Variants in SLC14A2 observed in about 807,000 individuals in gnomAD.
SLC14A2 encodes the protein urea transporter 2.
SLC14A2 carries 91 observed loss-of-function variants against 104.6 expected under a neutral mutation model. The observed-to-expected ratio is 0.87, with a 90% confidence interval of 0.73 to 1.04. The LOEUF is 1.04. Among genes scored for constraint, SLC14A2 ranks in the 50% least tolerant of loss-of-function variants. The pLI is 0.00. For missense variants in SLC14A2, 1,189 were observed against 1,156.0 expected, an observed-to-expected ratio of 1.03 and a Z score of -0.41; for synonymous variants, 476 against 466.4, an observed-to-expected ratio of 1.02 and a Z score of -0.27.
the SLC14A2 span, among the ~76,000 whole-genome samples, chr18:45,189,325 A>G: frequency 2.0e-5 from 3 of 152,214 alleles, no homozygotes; most frequent in Non-Finnish European, 2.9e-5. Context: ...GGGGGTAACA[A>G]TACAATCTGC....
At chr18:45,299,832 T>G (rs188737605) in intron 1 of SLC14A2, among the ~76,000 whole-genome samples, 97 of 152,346 alleles carry the variant, frequency 6.4e-4, no homozygotes, top group Admixed American at 1.5e-3. Context: ...CCCCATTTCT[T>G]GTCTCAAGTC....
intron 2 of SLC14A2, among the ~76,000 whole-genome samples, chr18:45,486,419 A>C (rs759046774): frequency 3.3e-5 from 5 of 152,086 alleles, no homozygotes; most frequent in Admixed American, 6.6e-5. Context: ...GTTAACTTTA[A>C]CCAGCAGTCA....
chr18:45,566,678 A>G (rs752328493), intron 2 of SLC14A2, among the ~76,000 whole-genome samples: 3 of 152,204 alleles, frequency 2.0e-5, no homozygotes, highest in Admixed American at 6.5e-5. Context: ...AATCTCCACA[A>G]GGACTTTCAA....
At chr18:45,596,744 G>A (rs1333612843) in intron 2 of SLC14A2, among the ~76,000 whole-genome samples, 1 of 152,088 alleles carries the variant, frequency 6.6e-6, no homozygotes. Context: ...GAAGGTAATC[G>A]CTCTTAAAGT....
chr18:45,595,188 G>A (rs1045809801), intron 2 of SLC14A2, among the ~76,000 whole-genome samples: 9 of 152,022 alleles, frequency 5.9e-5, no homozygotes, highest in Non-Finnish European at 1.2e-4. Context: ...CCCTTTCTGT[G>A]TGTTTGCATA....
intron 1 of SLC14A2, among the ~76,000 whole-genome samples, chr18:45,407,079 A>C (rs979111652): frequency 6.6e-6 from 1 of 152,318 alleles, no homozygotes; most frequent in African/African-American, 2.4e-5. Flanking sequence ...GAAGCCAGAC[A>C]TTGACTTCTC....
In SLC14A2 at chr18:45,347,008, T is replaced by C. The variant is rs201928020; in HGVS notation, c.-125+133817T>C. 6.8e-3 allele frequency among the ~76,000 whole-genome samples: 860 copies of C among 126,062 alleles called. 45 individuals carry two copies. The East Asian group carries it at 0.11, about 16-fold the overall frequency. The allele number at this position is 126,062 out of a possible 152,430, so 82.7% of individuals were successfully genotyped here. ...ATAAATAAATAAATAAATAAATAAA[T>C]AAACAAACAAACAAATCAGGCCTAC... On this transcript the variant is annotated intron_variant, in intron 1 of 20. Coordinates refer to the SLC14A2 transcript ENST00000586448.
chr18:45,533,567 C>T lies in SLC14A2; in HGVS notation c.-35+50245C>T, dbSNP rs572511763. Among the ~76,000 whole-genome samples the T allele has an allele frequency of 3.2e-3, 483 of 152,070 alleles. 3 individuals carry two copies. Among genetic ancestry groups the T allele is most frequent in the African/African-American group, 0.011 (442 of 41,472 alleles). On this transcript the variant is annotated intron_variant, in intron 2 of 20. Transcript: ENST00000586448. ...ATATCCCCTTTGTCATTTTTTATTG[C>T]GTCTATTTGATTCTTCTCTCTTTTC...
chr18:45,169,734 C>A, the SLC14A2 span, among the ~76,000 whole-genome samples: 1 of 152,172 alleles, frequency 6.6e-6, no homozygotes, highest in Non-Finnish European at 1.5e-5. Context: ...CTAAACACTG[C>A]CCAGAATGTT....
intron 1 of SLC14A2, among the ~76,000 whole-genome samples, chr18:45,401,123 C>G (rs117502503): frequency 6.6e-6 from 1 of 152,110 alleles, no homozygotes; most frequent in Admixed American, 6.5e-5. Flanking sequence ...TGAGCTCACT[C>G]CTCATTTCTG....
chr18:45,224,521 C>T (rs2084095149), intron 1 of SLC14A2, among the ~76,000 whole-genome samples: 1 of 152,130 alleles, frequency 6.6e-6, no homozygotes, highest in Admixed American at 6.5e-5. Flanking sequence ...ATGGGCCCAA[C>T]TATGGGAGAC....
chr18:45,538,118 C>A (rs2912343), intron 2 of SLC14A2, among the ~76,000 whole-genome samples: 1 of 152,180 alleles, frequency 6.6e-6, no homozygotes, highest in Non-Finnish European at 1.5e-5. Context: ...CCCTTCCATG[C>A]AGGTGGGACT....
intron 1 of SLC14A2, among the ~76,000 whole-genome samples, chr18:45,424,417 G>T (rs187983452): frequency 6.6e-6 from 1 of 152,302 alleles, no homozygotes; most frequent in Non-Finnish European, 1.5e-5. Flanking sequence ...AACATGGAAG[G>T]GGGGATGCTA....
At chr18:45,402,006 T>C (rs367785343) in intron 1 of SLC14A2, among the ~76,000 whole-genome samples, 1 of 152,304 alleles carries the variant, frequency 6.6e-6, no homozygotes, top group South Asian at 2.1e-4. Flanking sequence ...GAGGTGAATA[T>C]TTGGATTAAG....
intron 12 of SLC14A2, 100 bp from the exon 13 acceptor site, chr18:45,666,835 A>G: frequency 1.0e-6 from 1 of 994,504 alleles, no homozygotes; most frequent in Non-Finnish European, 1.5e-6. Flanking sequence ...TGAAATACCA[A>G]ATGACAATCT....
At chr18:45,241,611 T>A (rs2084316671) in intron 1 of SLC14A2, among the ~76,000 whole-genome samples, 1 of 151,660 alleles carries the variant, frequency 6.6e-6, no homozygotes, top group South Asian at 2.1e-4. Flanking sequence ...TTTGCTGACT[T>A]ATTTGATTTT....
In SLC14A2 at chr18:45,625,669, G is replaced by A. The variant is rs374512239; in HGVS notation, c.151-14G>A. 6.6e-7 allele frequency: 1 copy of A among 1,522,962 alleles called. No individual in the cohort carries two copies. 94.3% of individuals were successfully genotyped at this position (1,522,962 alleles called of 1,614,324 possible). A position where few individuals can be genotyped will look rare whatever the true frequency, so the allele number is the denominator to read the frequency against. On this transcript the variant is annotated splice_polypyrimidine_tract_variant and intron_variant, in intron 2 of 19. Coordinates refer to ENST00000255226, the MANE Select transcript of SLC14A2 (RefSeq NM_007163.4). ...AGCTGTATCATTTGATGTCTGGTTG[G>A]TTTCTCCTAAAAGGATCTCCGGTCT...
intron 1 of SLC14A2, among the ~76,000 whole-genome samples, chr18:45,255,614 G>A (rs1413406560): frequency 6.6e-6 from 1 of 152,216 alleles, no homozygotes; most frequent in Non-Finnish European, 1.5e-5. Context: ...AGAGTCAACA[G>A]CAGGTCTGCT....
chr18:45,561,557 C>A (rs1010855992), intron 2 of SLC14A2, among the ~76,000 whole-genome samples: 11 of 152,158 alleles, frequency 7.2e-5, no homozygotes, highest in African/African-American at 2.7e-4. Flanking sequence ...CTCTACTTCA[C>A]AAACACCTAT....
Sources: gnomAD v4.1 joint callset for allele counts (sites outside exome capture counted in the v4.1 genomes callset) on GRCh38, gnomAD v4.1.1 for gene constraint, MANE v1.5 for transcripts, NCBI Gene and HGNC (gene_info 2026-07-23, HGNC 2026-07-21) for gene names.